ZNF678: variants seen among roughly 807,000 people sequenced by gnomAD.
ZNF678 encodes hypothetical protein MGC42493.
In ZNF678, 5 loss-of-function variants were observed where a neutral mutation model predicts 3.0. The observed-to-expected ratio is 1.69, with a 90% CI of 0.88 to 3.56. The LOEUF (loss-of-function observed/expected upper bound fraction) is 3.56, where lower values mean the gene tolerates loss of function less well. ZNF678 is among the 30% of genes most tolerant of loss of function. The probability of loss-of-function intolerance (pLI) is 0.00; values close to 1 mark genes in which losing one functional copy is unlikely to be tolerated. For missense variants in ZNF678, 593 were observed against 605.0 expected (o/e 0.98, Z 0.21); for synonymous variants, 218 against 199.6 (o/e 1.09, Z -0.78).
chr1:227,577,332 G>A (rs1448121726), intron 1 of ZNF678, among the ~76,000 whole-genome samples: 3 of 152,042 alleles, frequency 2.0e-5, no homozygotes, highest in Non-Finnish European at 4.4e-5. Context: ...ACTGTCAGTG[G>A]GGTATTAAAG....
intron 1 of ZNF678, among the ~76,000 whole-genome samples, chr1:227,618,942 A>G (rs1319925861): frequency 1.3e-5 from 2 of 152,310 alleles, no homozygotes; most frequent in East Asian, 1.9e-4. Flanking sequence ...GAAACTTACA[A>G]TCATGGCAAG....
intron 1 of ZNF678, among the ~76,000 whole-genome samples, chr1:227,591,154 G>T (rs1657402616): frequency 1.3e-5 from 2 of 151,792 alleles, no homozygotes; most frequent in Admixed American, 6.6e-5. Flanking sequence ...ATTGTAGAAG[G>T]TTTGAAATAC....
In ZNF678 at chr1:227,618,398, G is replaced by A. The variant is rs548703822; in HGVS notation, c.-163-28146G>A. ...GTTGGAACTTTGGTGGGTCTGTCAT[G>A]TTCACACCCAGATCACGGTTGGCAG... On this transcript the variant is annotated intron_variant, in intron 1 of 3. Transcript: ENST00000343776. 7.9e-5 allele frequency among the ~76,000 whole-genome samples: 12 copies of A among 152,346 alleles called. No homozygotes were observed. In the East Asian group the frequency reaches 2.3e-3, roughly 29 times the overall value.
At chr1:227,571,891 A>T (rs1314140874) in intron 1 of ZNF678, among the ~76,000 whole-genome samples, 2 of 152,128 alleles carry the variant, frequency 1.3e-5, no homozygotes, top group African/African-American at 4.8e-5. Flanking sequence ...AAATACAAAA[A>T]ATTAGCTGGA....
intron 1 of ZNF678, among the ~76,000 whole-genome samples, chr1:227,594,841 G>A (rs181523197): frequency 2.6e-5 from 4 of 151,324 alleles, no homozygotes; most frequent in Admixed American, 6.6e-5. Flanking sequence ...CATAAATTCC[G>A]CCCCCCCCTT....
downstream of ZNF678, among the ~76,000 whole-genome samples, chr1:227,662,986 A>C (rs1485676965): frequency 6.6e-6 from 1 of 152,178 alleles, no homozygotes; most frequent in Non-Finnish European, 1.5e-5. Flanking sequence ...TATAGAGGTA[A>C]TTAAGGTTAA....
At chr1:227,626,952 C>T (rs189778195) in intron 1 of ZNF678, among the ~76,000 whole-genome samples, 2 of 151,340 alleles carry the variant, frequency 1.3e-5, no homozygotes, top group African/African-American at 4.9e-5. Context: ...CAAGGGAAGG[C>T]CTCCGCCCAA....
At chr1:227,648,840 A>AC (rs1220564923) in intron 2 of ZNF678, among the ~76,000 whole-genome samples, 67 of 151,886 alleles carry the variant, frequency 4.4e-4, no homozygotes, top group African/African-American at 1.3e-3. Flanking sequence ...CCAAAAAAAA[A>AC]CAAAAAAACT....
In ZNF678 at chr1:227,638,071, C is replaced by T. The variant is rs959233388; in HGVS notation, c.-163-8473C>T. ...GGTTTTAGGGATAAGGTAGAGAGGT[C>T]GTGAGCAAGGGCCTGTCCAAAAAGG... On this transcript the variant is annotated intron_variant, in intron 1 of 3. Coordinates refer to ENST00000343776, the MANE Select transcript of ZNF678 (RefSeq NM_001367909.1). This position sits in a 1 kb window ranked among gnomAD's most constrained non-coding sequence, Gnocchi z 4.2. Among the ~76,000 whole-genome samples the T allele has an allele frequency of 3.3e-5, 5 of 151,908 alleles. No individual in the cohort carries two copies. In the East Asian group the frequency reaches 5.8e-4, roughly 18 times the overall value.
intron 1 of ZNF678, among the ~76,000 whole-genome samples, chr1:227,592,021 G>A (rs1657428196): frequency 6.6e-6 from 1 of 152,190 alleles, no homozygotes; most frequent in African/African-American, 2.4e-5. Context: ...TTGCAAAGCT[G>A]CTCCCATCCA....
intron 1 of ZNF678, among the ~76,000 whole-genome samples, chr1:227,597,403 G>C (rs944062187): frequency 2.0e-5 from 3 of 152,204 alleles, no homozygotes; most frequent in African/African-American, 4.8e-5. Flanking sequence ...TTTTTGGCCA[G>C]TTTTGGGGCC....
chr1:227,663,557 G>T (rs1659452517), downstream of ZNF678, among the ~76,000 whole-genome samples: 1 of 152,178 alleles, frequency 6.6e-6, no homozygotes, highest in Non-Finnish European at 1.5e-5. Context: ...AAATACTCGT[G>T]TGTAAGGTAT....
chr1:227,668,436 T>C (rs1352730131), intron 5 of ZNF678, among the ~76,000 whole-genome samples: 1 of 152,184 alleles, frequency 6.6e-6, no homozygotes, highest in Non-Finnish European at 1.5e-5. Flanking sequence ...CTCAGTAAAA[T>C]TTATAACAGT....
At chr1:227,617,998 G>A (rs1188836562) in intron 1 of ZNF678, among the ~76,000 whole-genome samples, 1 of 152,156 alleles carries the variant, frequency 6.6e-6, no homozygotes, top group African/African-American at 2.4e-5. Context: ...CAGAATAAAT[G>A]TCCGCCCACC....
intron 1 of ZNF678, among the ~76,000 whole-genome samples, chr1:227,599,761 T>C (rs1657686998): frequency 2.0e-5 from 3 of 152,250 alleles, no homozygotes; most frequent in Admixed American, 1.3e-4. Flanking sequence ...GCTTTAATAT[T>C]CAGCGTGATT....
Position 227,662,131 on chromosome 1 carries a change from T to A in ZNF678, c.*6303T>A, listed in dbSNP as rs558542216. 5.3e-5 allele frequency: 8 copies of A among 152,206 alleles called. No homozygotes were observed. Among genetic ancestry groups the A allele is most frequent in the Non-Finnish European group, 1.2e-4 (8 of 68,054 alleles). The allele number at this position is 152,206 out of a possible 1,614,324, so 9.4% of individuals were successfully genotyped here. A position where few individuals can be genotyped will look rare whatever the true frequency, so the allele number is the denominator to read the frequency against. ...GGGATTGATTCAAACATTAATACTTTCAAGCGTTTCTATGGTATTTGTCAG... is the reference window on the plus strand; with the variant it reads ...GGGATTGATTCAAACATTAATACTTACAAGCGTTTCTATGGTATTTGTCAG... On this transcript the variant is annotated 3_prime_UTR_variant, in exon 4 of 4. Coordinates refer to ENST00000343776, the MANE Select transcript of ZNF678 (RefSeq NM_001367909.1).
chr1:227,565,862 C>T (rs987135464), intron 1 of ZNF678, among the ~76,000 whole-genome samples: 4 of 152,162 alleles, frequency 2.6e-5, no homozygotes, highest in Middle Eastern at 3.2e-3. Flanking sequence ...CGTGTTCACG[C>T]CATTCTGCCT....
intron 1 of ZNF678, among the ~76,000 whole-genome samples, chr1:227,601,753 C>CG (rs1432678308): frequency 1.3e-5 from 2 of 151,670 alleles, no homozygotes; most frequent in Non-Finnish European, 2.9e-5. Flanking sequence ...TTAGTAGAGA[C>CG]GGGGTTTCAC....
At chr1:227,624,755 C>G (rs544107997) in intron 1 of ZNF678, among the ~76,000 whole-genome samples, 4 of 152,354 alleles carry the variant, frequency 2.6e-5, no homozygotes, top group African/African-American at 9.6e-5. Flanking sequence ...CTTACCCACG[C>G]AGGAACAATA....
Sources: allele counts gnomAD v4.1 joint callset (sites outside exome capture counted in the v4.1 genomes callset), GRCh38; gene constraint gnomAD v4.1.1; non-coding constraint Gnocchi (gnomAD v3.1); transcripts MANE v1.5; gene names NCBI Gene and HGNC (gene_info 2026-07-23, HGNC 2026-07-21).